The following LHFPL3 variants were observed in gnomAD, a reference collection of about 807,000 sequenced individuals.
LHFPL3 encodes LHFPL tetraspan subfamily member 3.
A neutral mutation model predicts 19.3 loss-of-function variants in LHFPL3; 5 were observed. The ratio of observed to expected loss-of-function variants is 0.26; its 90% CI spans 0.14 to 0.54. The LOEUF is 0.54. Ranked by LOEUF, LHFPL3 falls within the 20% of genes least tolerant of loss-of-function variation. LHFPL3 has a pLI of 0.94. For synonymous variants in LHFPL3, 133 were observed against 126.2 expected (o/e 1.05, Z -0.36); for missense variants, 249 against 307.4 (o/e 0.81, Z 1.42).
intron 1 of LHFPL3, among the ~76,000 whole-genome samples, chr7:104,351,663 G>A (rs1024640532): frequency 6.6e-6 from 1 of 152,130 alleles, no homozygotes; most frequent in Non-Finnish European, 1.5e-5. Flanking sequence ...ATTGTTAATA[G>A]TTTGGCCAAA....
At chr7:104,815,985 C>G (rs1790554607) in intron 2 of LHFPL3, among the ~76,000 whole-genome samples, 3 of 152,154 alleles carry the variant, frequency 2.0e-5, no homozygotes, top group Non-Finnish European at 2.9e-5. Context: ...CTGTAGCTGA[C>G]CACCACATTC....
At chr7:104,875,085 C>A (rs887001140) in intron 2 of LHFPL3, among the ~76,000 whole-genome samples, 5 of 151,920 alleles carry the variant, frequency 3.3e-5, no homozygotes, top group African/African-American at 1.2e-4. Flanking sequence ...TGGTCTCAAG[C>A]AATCCTCCTA....
chr7:104,833,034 T>TATATATCTATTATATATA (rs1790995729), intron 2 of LHFPL3, among the ~76,000 whole-genome samples: 6 of 1,246 alleles, frequency 4.8e-3, no homozygotes, highest in African/African-American at 0.01. Flanking sequence ...AGATATATTA[T>TATATATCTATTATATATA]ATATATATAT....
At chr7:104,750,697 G>A (rs1300507296) in intron 2 of LHFPL3, among the ~76,000 whole-genome samples, 1 of 152,198 alleles carries the variant, frequency 6.6e-6, no homozygotes, top group Non-Finnish European at 1.5e-5. Context: ...ACTGCTGCTT[G>A]TGGCGGGAGA....
intron 1 of LHFPL3, among the ~76,000 whole-genome samples, chr7:104,430,406 A>ATGTATATATATATATATATG (rs1562895151): frequency 7.0e-4 from 22 of 31,394 alleles, no homozygotes; most frequent in African/African-American, 1.5e-3. Context: ...ATATATATAC[A>ATGTATATATATATATATATG]TATATATATA....
chr7:104,540,064 T>G (rs1386231702), intron 1 of LHFPL3, among the ~76,000 whole-genome samples: 1 of 152,158 alleles, frequency 6.6e-6, no homozygotes, highest in Non-Finnish European at 1.5e-5. Context: ...CAATGTTTAC[T>G]GCCATACTAG....
intron 1 of LHFPL3, among the ~76,000 whole-genome samples, chr7:104,616,043 G>A (rs542693914): frequency 2.8e-4 from 43 of 152,232 alleles, no homozygotes; most frequent in Non-Finnish European, 2.4e-4. Flanking sequence ...AATCAATATC[G>A]TGAAAATGGC....
chr7:104,657,853 A>T (rs2115970235), intron 1 of LHFPL3, among the ~76,000 whole-genome samples: 1 of 152,334 alleles, frequency 6.6e-6, no homozygotes, highest in East Asian at 1.9e-4. Context: ...GAGCTGCTCT[A>T]ACAATAGTAA....
intron 1 of LHFPL3, among the ~76,000 whole-genome samples, chr7:104,341,075 C>T (rs1338332812): frequency 6.6e-6 from 1 of 152,142 alleles, no homozygotes; most frequent in Non-Finnish European, 1.5e-5. Context: ...GAATATTCTC[C>T]ATCTCTAATA....
chr7:104,353,385 C>T (rs556173579), intron 1 of LHFPL3, among the ~76,000 whole-genome samples: 1 of 152,198 alleles, frequency 6.6e-6, no homozygotes, highest in African/African-American at 2.4e-5. Context: ...ACAGTTTTCT[C>T]AAAATTTCTT....
chr7:104,437,166 A>C (rs1792124816), intron 1 of LHFPL3, among the ~76,000 whole-genome samples: 1 of 152,230 alleles, frequency 6.6e-6, no homozygotes, highest in Admixed American at 6.5e-5. Flanking sequence ...TAAGTTAAAA[A>C]ACTTTCTCAA....
At chr7:104,664,225 G>T (rs1209661908) in intron 1 of LHFPL3, among the ~76,000 whole-genome samples, 2 of 151,886 alleles carry the variant, frequency 1.3e-5, no homozygotes, top group Non-Finnish European at 2.9e-5. Context: ...ATAACCCAAA[G>T]GTTAAATTTT....
chr7:104,582,288 G>A (rs1433677994), intron 1 of LHFPL3, among the ~76,000 whole-genome samples: 1 of 151,806 alleles, frequency 6.6e-6, no homozygotes, highest in Non-Finnish European at 1.5e-5. Flanking sequence ...ATATATAGAA[G>A]TGCTGTTGAT....
intron 1 of LHFPL3, among the ~76,000 whole-genome samples, chr7:104,727,093 C>CT (rs1346401484): frequency 6.6e-6 from 1 of 152,080 alleles, no homozygotes; most frequent in Non-Finnish European, 1.5e-5. Flanking sequence ...TGATGTTGAG[C>CT]TTTTTTCATG....
At chr7:104,579,171 A>G (rs1289802263) in intron 1 of LHFPL3, among the ~76,000 whole-genome samples, 1 of 152,114 alleles carries the variant, frequency 6.6e-6, no homozygotes, top group Admixed American at 6.6e-5. Context: ...CTGTCTTTTT[A>G]ATTTTAGATT....
At chr7:104,565,920 G>A (rs1009881942) in intron 1 of LHFPL3, among the ~76,000 whole-genome samples, 1 of 152,120 alleles carries the variant, frequency 6.6e-6, no homozygotes, top group Non-Finnish European at 1.5e-5. Context: ...ATATGTGACA[G>A]AGCCAACAAG....
chr7:104,440,045 G>A (rs538031111), intron 1 of LHFPL3, among the ~76,000 whole-genome samples: 4 of 139,526 alleles, frequency 2.9e-5, no homozygotes, highest in African/African-American at 1.1e-4. Context: ...TGGGGGGGGG[G>A]AGGGATAGCA....
rs560953270 is a variant in LHFPL3 at position 104,658,532 on chromosome 7, T to C, written c.446-78143T>C. On this transcript the variant is annotated intron_variant, in intron 1 of 2. Coordinates refer to ENST00000424859, the MANE Select transcript of LHFPL3 (RefSeq NM_199000.3). The stretch of plus-strand genomic sequence containing the variant: ...TACCTCTAGTACCTGGCTGGCATGG[T>C]TGCTCAAGCCTATAATCCAGCACTT... 4.9e-4 allele frequency among the ~76,000 whole-genome samples: 75 copies of C among 152,306 alleles called. No individual in the cohort carries two copies. The South Asian group carries it at 0.015, about 30-fold the overall frequency.
intron 1 of LHFPL3, among the ~76,000 whole-genome samples, chr7:104,665,543 G>C (rs1263977580): frequency 1.3e-5 from 2 of 152,154 alleles, no homozygotes; most frequent in African/African-American, 4.8e-5. Context: ...CGCCGGCTTT[G>C]TGTATGTACA....
Sources: gnomAD v4.1 joint callset for allele counts (sites outside exome capture counted in the v4.1 genomes callset) on GRCh38, gnomAD v4.1.1 for gene constraint, MANE v1.5 for transcripts, NCBI Gene and HGNC (gene_info 2026-07-23, HGNC 2026-07-21) for gene names.